The following CTSB variants were observed in gnomAD, a reference collection of about 807,000 sequenced individuals.
CTSB encodes the protein APP secretase.
CTSB carries 57 observed loss-of-function variants against 44.3 expected under a neutral mutation model. The ratio of observed to expected loss-of-function variants is 1.29; its 90% CI spans 1.04 to 1.60. The LOEUF (loss-of-function observed/expected upper bound fraction) is 1.60. Ranked by LOEUF, CTSB falls within the 40% of genes most tolerant of loss-of-function variation. The pLI, the probability that CTSB is intolerant of heterozygous loss-of-function variation, is 0.00. For missense variants in CTSB, 768 were observed against 443.0 expected, an observed-to-expected ratio of 1.73 and a Z score of -6.59; for synonymous variants, 320 against 168.0, an observed-to-expected ratio of 1.91 and a Z score of -7.00.
Position 11,847,672 on chromosome 8 carries a change from C to A in CTSB, c.676+7G>T. On this transcript the variant is annotated splice_region_variant and intron_variant, in intron 7 of 9. Transcript: ENST00000353047. Reference sequence around the variant, plus strand: ...CGTGCGCCGTGGCCAGGCCCCAGGCCCCTTACCGTAGTGCTTGTCCTGTTT... The same window carrying A: ...CGTGCGCCGTGGCCAGGCCCCAGGCACCTTACCGTAGTGCTTGTCCTGTTT... The A allele has an allele frequency of 6.5e-7, 1 of 1,533,954 alleles. No homozygotes were observed. Among genetic ancestry groups the A allele is most frequent in the African/African-American group, 1.4e-5 (1 of 71,988 alleles).
In CTSB at chr8:11,842,936, C is replaced by CTTTTTTTTTTTT. The variant is rs56927740; in HGVS notation, c.*2177_*2188dup. 1.1e-5 allele frequency: 1 copy of CTTTTTTTTTTTT among 90,836 alleles called. No individual in the cohort carries two copies. Among genetic ancestry groups the CTTTTTTTTTTTT allele is most frequent in the African/African-American group, 4.5e-5 (1 of 22,316 alleles). 5.6% of individuals were successfully genotyped at this position (90,836 alleles called of 1,614,324 possible). ...ACAGGCTTGAGCCACTGCGCCCGGCCTTTTTTTTTTTTTTTTTTTTTTTAA... is the reference window on the plus strand; with the variant it reads ...ACAGGCTTGAGCCACTGCGCCCGGCCTTTTTTTTTTTTTTTTTTTTTTTTTTTTTTTTTTTAA... On this transcript the variant is annotated 3_prime_UTR_variant, in exon 10 of 10. Transcript: ENST00000353047.
Position 11,847,769 on chromosome 8 carries a change from G to A in CTSB, c.586C>T (p.Pro196Ser). 1.2e-6 allele frequency: 2 copies of A among 1,600,430 alleles called. No individual in the cohort carries two copies. Among genetic ancestry groups the A allele is most frequent in the Non-Finnish European group, 8.5e-7 (1 of 1,176,088 alleles). ...GTATCTCCCTCCCCCGTGCATGGGG[G>A]CCGGGAGCCGTTGACGTGGTGCTCA... Reference protein sequence around the residue: ...PCEHHVNGSRPPCTGEGDTPK... With the variant: ...PCEHHVNGSRSPCTGEGDTPK... The change falls in exon 7 of 10, where the codon CCC becomes TCC. Residue 196 changes from proline (P) to serine (S), a missense_variant. Coordinates refer to ENST00000353047, the MANE Select transcript of CTSB (RefSeq NM_001908.5).
intron 1 of CTSB, among the ~76,000 whole-genome samples, chr8:11,861,995 C>G (rs1816488533): frequency 6.6e-6 from 1 of 152,072 alleles, no homozygotes; most frequent in South Asian, 2.1e-4. Flanking sequence ...ATCACGAGGT[C>G]AGGAGATCGA....
Position 11,844,233 on chromosome 8 carries a change from C to G in CTSB, c.*892G>C, listed in dbSNP as rs771841197. 6.6e-6 allele frequency: 1 copy of G among 152,160 alleles called. No homozygotes were observed. Among genetic ancestry groups the G allele is most frequent in the East Asian group, 1.9e-4 (1 of 5,196 alleles). The allele number at this position is 152,160 out of a possible 1,614,324, so 9.4% of individuals were successfully genotyped here. ...GTCGCAAGAACATGCAGTTCCAGGACGTGATTCTCTGCAGGGACAAAGAGA... is the reference window on the plus strand; with the variant it reads ...GTCGCAAGAACATGCAGTTCCAGGAGGTGATTCTCTGCAGGGACAAAGAGA... On this transcript the variant is annotated 3_prime_UTR_variant, in exon 10 of 10. Transcript: ENST00000353047.
Position 11,844,941 on chromosome 8 carries a change from C to T in CTSB, c.*184G>A. 3 of 603,360 alleles carry T rather than the reference C, an allele frequency of 5.0e-6. No homozygotes were observed. Among genetic ancestry groups the T allele is most frequent in the East Asian group, 5.5e-5 (2 of 36,098 alleles). The allele number at this position is 603,360 out of a possible 1,614,324, so 37.4% of individuals were successfully genotyped here. A position where few individuals can be genotyped will look rare whatever the true frequency, so the allele number is the denominator to read the frequency against. On this transcript the variant is annotated 3_prime_UTR_variant, in exon 10 of 10. Transcript: ENST00000353047. ...GGCAGCGGTGGCTCACATGGCCTGT[C>T]TGCACTGTAACCACAGGCTGGGATG...
At position 11,845,107 on chromosome 8, in the gene CTSB, C is replaced by G. The variant is rs113669095; in HGVS notation, c.*18G>C. 1.2e-4 allele frequency: 187 copies of G among 1,576,810 alleles called. 1 individual carries two copies. The African/African-American group carries it at 2.0e-3, about 17-fold the overall frequency. ...CCCGATCTCGCCCCCAGGACTGGCA[C>G]GACAGGCCCACGGCAGATTAGATCT... On this transcript the variant is annotated 3_prime_UTR_variant, in exon 10 of 10. Coordinates refer to ENST00000353047, the MANE Select transcript of CTSB (RefSeq NM_001908.5).
intron 1 of CTSB, among the ~76,000 whole-genome samples, chr8:11,866,931 C>T (rs552180039): frequency 1.3e-5 from 2 of 152,184 alleles, no homozygotes; most frequent in Non-Finnish European, 2.9e-5. Context: ...TCCTCTCCTC[C>T]GGCAGCAGGC....
At chr8:11,854,403 G>A (rs1347508104) in intron 1 of CTSB, among the ~76,000 whole-genome samples, 1 of 151,894 alleles carries the variant, frequency 6.6e-6, no homozygotes, top group Non-Finnish European at 1.5e-5. Context: ...TCTATCTGAA[G>A]AACAATTTAA....
At position 11,844,887 on chromosome 8, in the gene CTSB, A is replaced by T; in HGVS notation, c.*238T>A. 1 of 531,746 alleles carries T rather than the reference A, an allele frequency of 1.9e-6. No individual in the cohort carries two copies. Among genetic ancestry groups the T allele is most frequent in the Non-Finnish European group, 3.4e-6 (1 of 296,424 alleles). 32.9% of individuals were successfully genotyped at this position (531,746 alleles called of 1,614,324 possible). The stretch of plus-strand genomic sequence containing the variant: ...GGCAGCAGGTACTCCCTACGGCACT[A>T]GTCTACAGGGGGAAGGACGCTCTGT... On this transcript the variant is annotated 3_prime_UTR_variant, in exon 10 of 10. Coordinates refer to ENST00000353047, the MANE Select transcript of CTSB (RefSeq NM_001908.5).
At chr8:11,853,953 G>C (rs1002656940) in intron 1 of CTSB, 3 of 152,936 alleles carry the variant, frequency 2.0e-5, no homozygotes, top group South Asian at 2.0e-4. Flanking sequence ...GTGTGGGCTG[G>C]TGGAGGTTGA....
At chr8:11,854,321 A>G (rs1463850302) in intron 1 of CTSB, among the ~76,000 whole-genome samples, 1 of 152,178 alleles carries the variant, frequency 6.6e-6, no homozygotes, top group African/African-American at 2.4e-5. Context: ...TACCTCCCAC[A>G]GGTCACAGGT....
intron 1 of CTSB, among the ~76,000 whole-genome samples, chr8:11,866,002 G>C (rs755461024): frequency 5.5e-5 from 8 of 145,696 alleles, no homozygotes; most frequent in Non-Finnish European, 1.2e-4. Context: ...CTGAGCGATA[G>C]AGGGAGTGTG....
intron 1 of CTSB, among the ~76,000 whole-genome samples, chr8:11,866,837 G>A (rs1024924616): frequency 2.0e-5 from 3 of 152,182 alleles, no homozygotes; most frequent in Non-Finnish European, 4.4e-5. Context: ...TCCAGCCTGA[G>A]AGACAGAGCC....
chr8:11,853,622 CT>C, intron 1 of CTSB, 143 bp from the exon 2 acceptor site: 3 of 786,126 alleles, frequency 3.8e-6, no homozygotes, highest in Non-Finnish European at 3.8e-6. Flanking sequence ...GCTGAGGTGT[CT>C]ATGGGATCCC....
chr8:11,862,541 G>C (rs972754424), intron 1 of CTSB: 3 of 152,228 alleles, frequency 2.0e-5, no homozygotes, highest in African/African-American at 7.2e-5. Context: ...AAGTTGATTT[G>C]TTCTGCTGTC....
At chr8:11,858,982 CTT>C (rs1815959296) in intron 1 of CTSB, among the ~76,000 whole-genome samples, 1 of 152,198 alleles carries the variant, frequency 6.6e-6, no homozygotes, top group Non-Finnish European at 1.5e-5. Flanking sequence ...GATGTGAACT[CTT>C]GTGTGCCACA....
intron 7 of CTSB, 27 bp downstream of exon 7, chr8:11,847,652 G>C (rs201709750): frequency 2.0e-6 from 3 of 1,507,012 alleles, no homozygotes; most frequent in Non-Finnish European, 2.7e-6. Context: ...CTCCACGTGC[G>C]CCGTGGCCAG....
intron 5 of CTSB, 105 bp from the exon 6 acceptor site, chr8:11,848,257 A>G (rs776998869): frequency 9.5e-6 from 9 of 947,180 alleles, no homozygotes. Flanking sequence ...ACCCACCCCC[A>G]GCTGCAGCAA....
chr8:11,846,298 G>C (rs1162695994), intron 8 of CTSB: 3 of 152,378 alleles, frequency 2.0e-5, no homozygotes, highest in Non-Finnish European at 2.9e-5. Flanking sequence ...CTCTCGGGTG[G>C]GGAAATCACT....
Sources: gnomAD v4.1 joint callset for allele counts (sites outside exome capture counted in the v4.1 genomes callset) on GRCh38, gnomAD v4.1.1 for gene constraint, MANE v1.5 for transcripts, NCBI Gene and HGNC (gene_info 2026-07-23, HGNC 2026-07-21) for gene names.